Variants in ZNF142 observed in about 807,000 individuals in gnomAD.
ZNF142 encodes the protein zinc finger protein 142.
ZNF142 carries 96 observed loss-of-function variants against 132.1 expected under a neutral mutation model. The ratio of observed to expected loss-of-function variants is 0.73; its 90% CI spans 0.62 to 0.86. ZNF142 has a LOEUF of 0.86. ZNF142 is among the 40% of genes least tolerant of loss of function. The pLI, the probability that ZNF142 is intolerant of heterozygous loss-of-function variation, is 0.00. For missense variants in ZNF142, 2,163 were observed against 2,336.2 expected (o/e 0.93, Z 1.53); for synonymous variants, 842 against 890.1 (o/e 0.95, Z 0.96).
chr2:218,650,333 G>A (rs1274272598), intron 6 of ZNF142, 26 bp downstream of exon 6: 1 of 1,613,726 alleles, frequency 6.2e-7, no homozygotes, highest in East Asian at 2.2e-5. Flanking sequence ...CACCACCAAG[G>A]GCTTCAAGCC....
chr2:218,638,840 G>C, intron 10 of ZNF142, 32 bp from the exon 11 acceptor site: 1 of 1,533,410 alleles, frequency 6.5e-7, no homozygotes, highest in South Asian at 1.2e-5. Flanking sequence ...ACCATTGAAA[G>C]GCGGTGGAGC....
intron 4 of ZNF142, 141 bp downstream of exon 4, chr2:218,656,009 G>A: frequency 8.6e-7 from 1 of 1,163,038 alleles, no homozygotes; most frequent in Non-Finnish European, 1.1e-6. Context: ...TGCACCAACT[G>A]CAAACCAAAT....
Position 218,644,991 on chromosome 2 carries a change from CCT to C in ZNF142, c.2123_2124del (p.Gln708ArgfsTer7). ...DQLSSHKLRH[Q>X]GKSLMCEVCA... ...CACACCTCACACATCAGAGACTTGC[CCT>C]GATGCCGCAGCTTGTGGCTGCTCAG... On this transcript the variant is annotated frameshift_variant, in exon 9 of 11. Transcript: ENST00000411696. LOFTEE classifies it high-confidence loss of function. This position sits in a 1 kb window ranked among gnomAD's most constrained non-coding sequence, Gnocchi z 4.6. The C allele has an allele frequency of 6.2e-7, 1 of 1,614,072 alleles. No individual in the cohort carries two copies. Among genetic ancestry groups the C allele is most frequent in the Non-Finnish European group, 8.5e-7 (1 of 1,179,980 alleles).
rs1387590783 is a variant in ZNF142 at position 218,637,219 on chromosome 2, G to A, written c.*1120C>T. The A allele has an allele frequency of 4.4e-6, 1 of 227,762 alleles. No individual in the cohort carries two copies. Among genetic ancestry groups the A allele is most frequent in the Non-Finnish European group, 8.8e-6 (1 of 113,000 alleles). The allele number at this position is 227,762 out of a possible 1,614,324, so 14.1% of individuals were successfully genotyped here. A position where few individuals can be genotyped will look rare whatever the true frequency, so the allele number is the denominator to read the frequency against. On this transcript the variant is annotated 3_prime_UTR_variant, in exon 11 of 11. Coordinates refer to ENST00000411696, the MANE Select transcript of ZNF142 (RefSeq NM_001379659.1). ...TGTCATTGTTGGGCAAGAAGGGGAG[G>A]TACAAGGGTTGTGGGGACATCTGGG...
chr2:218,646,340 G>C lies in ZNF142; in HGVS notation c.1882C>G (p.Pro628Ala), dbSNP rs1291404336. 1.2e-6 allele frequency: 2 copies of C among 1,613,988 alleles called. No individual in the cohort carries two copies. The highest frequency in any genetic ancestry group is 2.7e-5 in the African/African-American group (2 of 74,930). The change falls in exon 8 of 11, where the codon CCC (proline) becomes GCC (alanine). Residue 628 changes from proline (P) to alanine (A), a missense_variant. Pro to Ala is a conservative substitution (Grantham distance 27). This residue lies in a region of ZNF142 where 749 missense variants were observed against 830.3 expected (regional missense o/e 0.90). Coordinates refer to ENST00000411696, the MANE Select transcript of ZNF142 (RefSeq NM_001379659.1). ...AAGTCACACAGCTCACACTTGTGGG[G>C]CTTCTCACCTTATATGGGGGATGCG... Reference protein sequence around the residue: ...RHMLLHTGEKPHKCELCDFTC... With the variant: ...RHMLLHTGEKAHKCELCDFTC...
In ZNF142 at chr2:218,635,462, C is replaced by T. The variant is rs1025091696; in HGVS notation, c.*2877G>A. ...CAAGTGATTCTCCCATCTGAGCCTT[C>T]CGAGTAGCTGGGACTACAGGCGCCC... On this transcript the variant is annotated 3_prime_UTR_variant, in exon 11 of 11. Transcript: ENST00000411696. 6.6e-6 allele frequency among the ~76,000 whole-genome samples: 1 copy of T among 152,110 alleles called. No homozygotes were observed. The highest frequency in any genetic ancestry group is 2.4e-5 in the African/African-American group (1 of 41,414).
intron 10 of ZNF142, among the ~76,000 whole-genome samples, chr2:218,640,049 G>A (rs769502458): frequency 6.0e-4 from 60 of 99,750 alleles, no homozygotes; most frequent in Non-Finnish European, 9.1e-4. Context: ...GCAACAGAGC[G>A]AGACTCTGTC....
At chr2:218,658,224 C>A (rs1938770698) in intron 3 of ZNF142, among the ~76,000 whole-genome samples, 1 of 152,044 alleles carries the variant, frequency 6.6e-6, no homozygotes, top group Non-Finnish European at 1.5e-5. Flanking sequence ...GAGTCACAGA[C>A]AAGATGCAAA....
chr2:218,633,981 G>A lies in ZNF142; in HGVS notation c.*4358C>T, dbSNP rs1696550372. ...TGGATGGACAGAGTAGAGAGGCACA[G>A]TGAAACTTTCTGGAGCCAGCTTCAG... On this transcript the variant is annotated 3_prime_UTR_variant, in exon 11 of 11. Coordinates refer to ENST00000411696, the MANE Select transcript of ZNF142 (RefSeq NM_001379659.1). 1.7e-5 allele frequency: 23 copies of A among 1,381,226 alleles called. No individual in the cohort carries two copies. The highest frequency in any genetic ancestry group is 2.3e-5 in the Non-Finnish European group (23 of 1,013,374). 85.6% of individuals were successfully genotyped at this position (1,381,226 alleles called of 1,614,324 possible). A position where few individuals can be genotyped will look rare whatever the true frequency, so the allele number is the denominator to read the frequency against.
rs375558642 is a variant in ZNF142, at chr2:218,643,279, C to T, written c.3837G>A (p.Pro1279=). 109 of 1,614,090 alleles carry T rather than the reference C, an allele frequency of 6.8e-5. No homozygotes were observed. Among genetic ancestry groups the T allele is most frequent in the Non-Finnish European group, 8.5e-5 (100 of 1,180,046 alleles). ...AGCTGGACTCTGTACTCCCATTCTT[C>T]GGGGGAGCAGAGTCCCCATTGCTCA... ...SPLSNGDSAP[P]KNGSTESSSG... is the part of the protein sequence containing the mutation. Residue 1279 remains proline, a synonymous_variant, in exon 9 of 11, where the codon CCG becomes CCA. Coordinates refer to ENST00000411696, the MANE Select transcript of ZNF142 (RefSeq NM_001379659.1).
chr2:218,642,711 G>A lies in ZNF142; in HGVS notation c.4405C>T (p.Arg1469Cys), dbSNP rs146408490. ...CPLCDYSGYL[R>C]HDITRHVNSC... ...TTGACATGACGAGTGATGTCATGGC[G>A]AAGGTAGCCACTATAGTCACAAAGT... Residue 1469 changes from arginine to cysteine, a missense_variant, in exon 9 of 11, where the codon CGC becomes TGC. Coordinates refer to ENST00000411696, the MANE Select transcript of ZNF142 (RefSeq NM_001379659.1). The surrounding 1 kb of genome is among the most constrained non-coding windows in gnomAD (Gnocchi z 4.6). 3.1e-4 allele frequency: 500 copies of A among 1,614,112 alleles called. 3 individuals are homozygous for A. The African/African-American group carries it at 5.8e-3, about 19-fold the overall frequency.
chr2:218,654,539 G>C (rs992666492), intron 4 of ZNF142, among the ~76,000 whole-genome samples: 1 of 151,760 alleles, frequency 6.6e-6, no homozygotes, highest in African/African-American at 2.4e-5. Flanking sequence ...CTGATTTTTT[G>C]TATCTTAGCA....
At position 218,636,675 on chromosome 2, in the gene ZNF142, A is replaced by G; in HGVS notation, c.*1664T>C. The G allele has an allele frequency of 7.5e-7, 1 of 1,327,786 alleles. No homozygotes were observed. The highest frequency in any genetic ancestry group is 1.5e-5 in the African/African-American group (1 of 68,718). The allele number at this position is 1,327,786 out of a possible 1,614,324, so 82.3% of individuals were successfully genotyped here. A position where few individuals can be genotyped will look rare whatever the true frequency, so the allele number is the denominator to read the frequency against. On this transcript the variant is annotated 3_prime_UTR_variant, in exon 11 of 11. Coordinates refer to ENST00000411696, the MANE Select transcript of ZNF142 (RefSeq NM_001379659.1). The stretch of plus-strand genomic sequence containing the variant: ...GAACAAATGGAGGTGGTGAAAATCA[A>G]GCTTTGGATTGTGCATTCCTAGGCA...
Position 218,643,414 on chromosome 2 carries a change from A to G in ZNF142, c.3702T>C (p.Leu1234=). 6.2e-7 allele frequency: 1 copy of G among 1,614,208 alleles called. No homozygotes were observed. The highest frequency in any genetic ancestry group is 1.1e-5 in the South Asian group (1 of 91,078). Residue 1234 remains leucine (L), a synonymous_variant, in exon 9 of 11, where the codon CTT becomes CTC. Transcript: ENST00000411696. ...GKFHCNSCPF[L]CSRLSSITSH... ...AGGTAATAGAGGAGAGCCGGGAACA[A>G]AGGAATGGGCAGGAGTTGCAGTGAA... is the stretch of plus-strand genomic sequence containing the variant.
chr2:218,643,019 C>T lies in ZNF142; in HGVS notation c.4097G>A (p.Gly1366Glu). The T allele has an allele frequency of 6.2e-7, 1 of 1,604,020 alleles. No homozygotes were observed. Among genetic ancestry groups the T allele is most frequent in the Non-Finnish European group, 8.5e-7 (1 of 1,174,672 alleles). Residue 1366 changes from glycine (G) to glutamate (E), a missense_variant, in exon 9 of 11, where the codon GGG becomes GAG. Transcript: ENST00000411696. ...RRHPTAAPARGPRPHLQCGDC... is the reference protein window; with the variant it reads ...RRHPTAAPAREPRPHLQCGDC... ...CCCACACTGTAGATGGGGCCGGGGC[C>T]CACGGGCTGGGGCTGCAGTGGGGTG...
Position 218,635,691 on chromosome 2 carries a change from G to T in ZNF142, c.*2648C>A. On this transcript the variant is annotated 3_prime_UTR_variant, in exon 11 of 11. Coordinates refer to ENST00000411696, the MANE Select transcript of ZNF142 (RefSeq NM_001379659.1). ...AGAAGAAAATATATTACCCATGGAGGATGTTTTACAAACCAAAAAGCTTCT... is the reference window on the plus strand; with the variant it reads ...AGAAGAAAATATATTACCCATGGAGTATGTTTTACAAACCAAAAAGCTTCT... 1 of 1,409,364 alleles carries T rather than the reference G, an allele frequency of 7.1e-7. No individual in the cohort carries two copies. The highest frequency in any genetic ancestry group is 9.5e-7 in the Non-Finnish European group (1 of 1,053,798). The allele number at this position is 1,409,364 out of a possible 1,614,324, so 87.3% of individuals were successfully genotyped here.
Position 218,636,668 on chromosome 2 carries a change from A to G in ZNF142, c.*1671T>C. ...CTCGAGAGAACAAATGGAGGTGGTG[A>G]AAATCAAGCTTTGGATTGTGCATTC... On this transcript the variant is annotated 3_prime_UTR_variant, in exon 11 of 11. Transcript: ENST00000411696. 1 of 1,364,780 alleles carries G rather than the reference A, an allele frequency of 7.3e-7. No individual in the cohort carries two copies. Among genetic ancestry groups the G allele is most frequent in the African/African-American group, 1.4e-5 (1 of 69,640 alleles). 84.5% of individuals were successfully genotyped at this position (1,364,780 alleles called of 1,614,324 possible).
chr2:218,646,326 C>T lies in ZNF142; in HGVS notation c.1896G>A (p.Glu632=). 6.2e-7 allele frequency: 1 copy of T among 1,614,140 alleles called. No homozygotes were observed. The highest frequency in any genetic ancestry group is 8.5e-7 in the Non-Finnish European group (1 of 1,180,020). Residue 632 remains glutamate, a synonymous_variant, in exon 8 of 11, where the codon GAG becomes GAA. Coordinates refer to ENST00000411696, the MANE Select transcript of ZNF142 (RefSeq NM_001379659.1). ...CGTCTCGGCATGTGAAGTCACACAG[C>T]TCACACTTGTGGGGCTTCTCACCTT... is the stretch of plus-strand genomic sequence containing the variant. The part of the protein sequence containing the change: ...LHTGEKPHKC[E]LCDFTCRDVS...
chr2:218,639,794 G>A (rs1184640361), intron 10 of ZNF142, among the ~76,000 whole-genome samples: 3 of 147,550 alleles, frequency 2.0e-5, no homozygotes, highest in South Asian at 4.3e-4. Flanking sequence ...GGTGGCTCAT[G>A]CCTGTAATCC....
Sources: gnomAD v4.1 joint callset for allele counts (sites outside exome capture counted in the v4.1 genomes callset) on GRCh38, gnomAD v4.1.1 for gene constraint, gnomAD v4.1.1 regional missense constraint, Gnocchi (gnomAD v3.1) non-coding constraint, MANE v1.5 for transcripts, NCBI Gene and HGNC (gene_info 2026-07-23, HGNC 2026-07-21) for gene names.